Variants in HECA observed in about 807,000 individuals in gnomAD.
HECA encodes the protein HECA ribonucleoprotein granule regulator.
HECA carries 13 observed loss-of-function variants against 37.6 expected under a neutral mutation model. The ratio of observed to expected loss-of-function variants is 0.35; its 90% CI spans 0.23 to 0.55. The LOEUF (loss-of-function observed/expected upper bound fraction) is 0.55. Among genes scored for constraint, HECA ranks in the 20% least tolerant of loss-of-function variants. The probability of loss-of-function intolerance (pLI) is 0.90; values close to 1 mark genes in which losing one functional copy is unlikely to be tolerated. For missense variants in HECA, 527 were observed against 701.9 expected, an observed-to-expected ratio of 0.75 and a Z score of 2.82; for synonymous variants, 307 against 291.5, an observed-to-expected ratio of 1.05 and a Z score of -0.54.
rs1775088914 is a variant in HECA, at chr6:139,178,739, T to A, written c.*1634T>A. ...ATAGGCACGTGCCACCACACCCGGC[T>A]AATTTTTTGTATTTTTAGTAGAGAC... On this transcript the variant is annotated 3_prime_UTR_variant, in exon 4 of 4. Transcript: ENST00000367658. The A allele has an allele frequency of 6.6e-6, 1 of 152,102 alleles. No homozygotes were observed. 9.4% of individuals were successfully genotyped at this position (152,102 alleles called of 1,614,324 possible). A position where few individuals can be genotyped will look rare whatever the true frequency, so the allele number is the denominator to read the frequency against.
chr6:139,165,571 C>T (rs1562247885), intron 1 of HECA, among the ~76,000 whole-genome samples: 2 of 151,640 alleles, frequency 1.3e-5, no homozygotes, highest in Non-Finnish European at 2.9e-5. Context: ...TCCCCCACCC[C>T]CTGTGGCAAC....
chr6:139,150,655 A>T lies in HECA; in HGVS notation c.271+14988A>T, dbSNP rs1380929574. Among the ~76,000 whole-genome samples the T allele has an allele frequency of 5.9e-5, 9 of 152,044 alleles. 1 individual carries two copies. The highest frequency in any genetic ancestry group is 1.9e-4 in the East Asian group (1 of 5,186). On this transcript the variant is annotated intron_variant, in intron 1 of 3. Coordinates refer to ENST00000367658, the MANE Select transcript of HECA (RefSeq NM_016217.3). ...AACAAATTCTATAATAGTAGAAAGT[A>T]AGTTTTAGATTTTTTTGGTAACTCT...
Position 139,166,378 on chromosome 6 carries a change from C to A in HECA, c.366C>A (p.His122Gln). The A allele has an allele frequency of 6.2e-7, 1 of 1,614,234 alleles. No individual in the cohort carries two copies. The highest frequency in any genetic ancestry group is 2.2e-5 in the East Asian group (1 of 44,882). ...DYQKVVCNNE[H>Q]CPCSTWMHLQ... ...AGAAGGTGGTGTGCAACAACGAGCA[C>A]TGCCCCTGCAGCACCTGGATGCACC... The change falls in exon 2 of 4, where the codon CAC becomes CAA. Residue 122 changes from histidine (H) to glutamine (Q), a missense_variant. His to Gln is a conservative substitution (Grantham distance 24). Around this residue, in one of 4 missense-constraint regions of HECA, gnomAD observed 172 missense variants for 197.6 expected, o/e 0.87. Transcript: ENST00000367658.
intron 2 of HECA, among the ~76,000 whole-genome samples, chr6:139,171,057 T>TG (rs1359141757): frequency 2.0e-5 from 3 of 152,004 alleles, no homozygotes; most frequent in Admixed American, 6.5e-5. Flanking sequence ...GGCCTGGTTT[T>TG]GCGGGCAGAA....
chr6:139,161,143 A>T (rs1198929916), intron 1 of HECA, among the ~76,000 whole-genome samples: 1 of 152,038 alleles, frequency 6.6e-6, no homozygotes, highest in Admixed American at 6.5e-5. Flanking sequence ...AGGCCAACAC[A>T]CTTCAGCAAA....
At chr6:139,167,353 T>C in intron 2 of HECA, 29 bp downstream of exon 2, 1 of 1,488,200 alleles carries the variant, frequency 6.7e-7, no homozygotes, top group Non-Finnish European at 9.2e-7. Flanking sequence ...CTTGCCTGCT[T>C]TCTGTTTGTT....
At chr6:139,148,048 A>G (rs1027643033) in intron 1 of HECA, among the ~76,000 whole-genome samples, 4 of 152,206 alleles carry the variant, frequency 2.6e-5, no homozygotes, top group Non-Finnish European at 4.4e-5. Context: ...TTTTTGGATC[A>G]TCAGTGAATA....
At chr6:139,161,435 G>A (rs563150723) in intron 1 of HECA, among the ~76,000 whole-genome samples, 8 of 152,278 alleles carry the variant, frequency 5.3e-5, no homozygotes, top group South Asian at 2.1e-4. Context: ...GTGGAGCATG[G>A]CTGTGAACAT....
At chr6:139,147,916 A>G (rs935653571) in intron 1 of HECA, among the ~76,000 whole-genome samples, 28 of 152,346 alleles carry the variant, frequency 1.8e-4, no homozygotes, top group Admixed American at 1.6e-3. Flanking sequence ...GAGGTTTGCC[A>G]GTTTACACCA....
At position 139,178,619 on chromosome 6, in the gene HECA, G is replaced by C. The variant is rs1775087092; in HGVS notation, c.*1514G>C. 2.0e-5 allele frequency: 3 copies of C among 151,472 alleles called. No homozygotes were observed. The South Asian group carries it at 6.2e-4, about 32-fold the overall frequency. 9.4% of individuals were successfully genotyped at this position (151,472 alleles called of 1,614,324 possible). A position where few individuals can be genotyped will look rare whatever the true frequency, so the allele number is the denominator to read the frequency against. On this transcript the variant is annotated 3_prime_UTR_variant, in exon 4 of 4. Coordinates refer to ENST00000367658, the MANE Select transcript of HECA (RefSeq NM_016217.3). ...GATGGAGTCTCACTCTTGTCACCCAGGCTGGAGTGCAGTAGTGCGATCTCA... is the reference window on the plus strand; with the variant it reads ...GATGGAGTCTCACTCTTGTCACCCACGCTGGAGTGCAGTAGTGCGATCTCA...
chr6:139,150,105 A>G (rs1239950062), intron 1 of HECA, among the ~76,000 whole-genome samples: 1 of 152,120 alleles, frequency 6.6e-6, no homozygotes, highest in Non-Finnish European at 1.5e-5. Context: ...TATGGAGTGG[A>G]AGTTTGCATG....
At chr6:139,162,982 G>T (rs192314781) in intron 1 of HECA, among the ~76,000 whole-genome samples, 4 of 152,252 alleles carry the variant, frequency 2.6e-5, no homozygotes, top group African/African-American at 9.6e-5. Flanking sequence ...GAGTTTCCTG[G>T]AGTCTCCCTG....
chr6:139,166,447 C>A lies in HECA; in HGVS notation c.435C>A (p.Phe145Leu). The A allele has an allele frequency of 6.2e-7, 1 of 1,614,192 alleles. No individual in the cohort carries two copies. The change falls in exon 2 of 4, where the codon TTC (phenylalanine) becomes TTA (leucine). Residue 145 changes from phenylalanine to leucine, a missense_variant. By Grantham distance (22) the Phe-to-Leu change is conservative. Transcript: ENST00000367658. ...GGGAGAGCAGCATCCTCGTCCAGTT[C>A]AACTGCATCGGCCGCGCGCGCAGCT... ...YEWESSILVQ[F>L]NCIGRARSWN...
chr6:139,165,101 A>G (rs536443728), intron 1 of HECA, among the ~76,000 whole-genome samples: 31 of 152,322 alleles, frequency 2.0e-4, no homozygotes, highest in Admixed American at 4.6e-4. Context: ...TTAATCTTCA[A>G]AAAATCTCTA....
chr6:139,156,130 G>A (rs1403123101), intron 1 of HECA, among the ~76,000 whole-genome samples: 1 of 143,072 alleles, frequency 7.0e-6, no homozygotes, highest in Non-Finnish European at 1.5e-5. Context: ...TAGAACTTCT[G>A]TAAGGATTTT....
intron 1 of HECA, 108 bp from the exon 2 acceptor site, chr6:139,166,176 C>G: frequency 4.6e-6 from 4 of 871,442 alleles, no homozygotes; most frequent in Non-Finnish European, 7.2e-6. Flanking sequence ...AACTGCCTTT[C>G]ATTATATTCA....
At chr6:139,152,418 ATGTG>A (rs56410451) in intron 1 of HECA, among the ~76,000 whole-genome samples, 22 of 147,530 alleles carry the variant, frequency 1.5e-4, no homozygotes, top group East Asian at 8.0e-4. Context: ...GAAGCATTGG[ATGTG>A]TGTGTGTGTG....
chr6:139,135,610 G>A lies in HECA; in HGVS notation c.214G>A (p.Gly72Ser). Reference sequence around the variant, plus strand: ...GGCGGGCGCCGGAGGCGCGGGGACTGGCGCCGCGAACGCTGCGGCCGCCGC... The same window carrying A: ...GGCGGGCGCCGGAGGCGCGGGGACTAGCGCCGCGAACGCTGCGGCCGCCGC... The part of the protein sequence containing the change: ...GAAGAGGAGT[G>S]AANAAAAAGA... The change falls in exon 1 of 4, where the codon GGC becomes AGC. Residue 72 changes from glycine to serine, a missense_variant. By Grantham distance (56) the Gly-to-Ser change is moderately conservative. Coordinates refer to ENST00000367658, the MANE Select transcript of HECA (RefSeq NM_016217.3). 1.0e-6 allele frequency: 1 copy of A among 967,690 alleles called. No individual in the cohort carries two copies. Among genetic ancestry groups the A allele is most frequent in the Non-Finnish European group, 1.2e-6 (1 of 817,214 alleles). The allele number at this position is 967,690 out of a possible 1,614,324, so 59.9% of individuals were successfully genotyped here. A position where few individuals can be genotyped will look rare whatever the true frequency, so the allele number is the denominator to read the frequency against.
At chr6:139,138,832 G>T in intron 1 of HECA, among the ~76,000 whole-genome samples, 1 of 152,190 alleles carries the variant, frequency 6.6e-6, no homozygotes, top group East Asian at 1.9e-4. Flanking sequence ...TCAGGGATTG[G>T]TGTAAAAGAC....
Sources: gnomAD v4.1 joint callset for allele counts (sites outside exome capture counted in the v4.1 genomes callset) on GRCh38, gnomAD v4.1.1 for gene constraint, gnomAD v4.1.1 regional missense constraint, MANE v1.5 for transcripts, NCBI Gene and HGNC (gene_info 2026-07-23, HGNC 2026-07-21) for gene names.